The following GRIK2 variants were observed in gnomAD, a reference collection of about 807,000 sequenced individuals.
The protein encoded by GRIK2 is glutamate ionotropic receptor kainate type subunit 2.
A neutral mutation model predicts 100.3 loss-of-function variants in GRIK2; 32 were observed. That is an observed-to-expected ratio of 0.32 (90% confidence interval 0.24 to 0.43). The LOEUF is 0.43. GRIK2 is among the 20% of genes least tolerant of loss of function. The pLI, the probability that GRIK2 is intolerant of heterozygous loss-of-function variation, is 1.00. For synonymous variants in GRIK2, 417 were observed against 389.4 expected (o/e 1.07, Z -0.83); for missense variants, 843 against 1,114.9 (o/e 0.76, Z 3.47).
intron 14 of GRIK2, among the ~76,000 whole-genome samples, chr6:101,930,631 G>A (rs1219232842): frequency 6.6e-6 from 1 of 151,804 alleles, no homozygotes; most frequent in East Asian, 1.9e-4. Flanking sequence ...TATACTAGTA[G>A]CAAAGTTCAT....
intron 1 of GRIK2, among the ~76,000 whole-genome samples, chr6:101,394,349 T>G (rs1562106081): frequency 6.6e-6 from 1 of 152,170 alleles, no homozygotes; most frequent in Non-Finnish European, 1.5e-5. Context: ...GGCGTCCCAT[T>G]AGGGTAAGGA....
chr6:101,945,570 T>A (rs1791221800), intron 14 of GRIK2, among the ~76,000 whole-genome samples: 2 of 152,170 alleles, frequency 1.3e-5, no homozygotes, highest in Non-Finnish European at 2.9e-5. Flanking sequence ...AAGTAATCAG[T>A]AAGCCATTTA....
intron 10 of GRIK2, among the ~76,000 whole-genome samples, chr6:101,835,573 T>C (rs1783024255): frequency 6.8e-6 from 1 of 146,778 alleles, no homozygotes; most frequent in Admixed American, 7.1e-5. Context: ...CGGGTTCAAG[T>C]GATTCTCATG....
chr6:101,809,200 A>G (rs981564495), intron 9 of GRIK2, among the ~76,000 whole-genome samples: 11 of 151,924 alleles, frequency 7.2e-5, no homozygotes, highest in African/African-American at 2.7e-4. Context: ...CTTTTTGCTA[A>G]AACTCAACTA....
chr6:101,703,141 G>A (rs1337698421), intron 7 of GRIK2, among the ~76,000 whole-genome samples: 3 of 151,778 alleles, frequency 2.0e-5, no homozygotes, highest in South Asian at 2.1e-4. Flanking sequence ...AATGTTTTAC[G>A]AGTTTGAAAC....
chr6:101,970,443 A>T (rs891816318), intron 14 of GRIK2, among the ~76,000 whole-genome samples: 2 of 152,080 alleles, frequency 1.3e-5, no homozygotes, highest in Non-Finnish European at 2.9e-5. Context: ...CCCCACAGAC[A>T]GTGTGCCTAA....
At chr6:101,829,770 A>G (rs143810335) in intron 10 of GRIK2, among the ~76,000 whole-genome samples, 2 of 152,106 alleles carry the variant, frequency 1.3e-5, no homozygotes, top group African/African-American at 4.8e-5. Context: ...AGATGACACA[A>G]ATAAATGGAA....
intron 2 of GRIK2, among the ~76,000 whole-genome samples, chr6:101,427,568 C>A (rs954711032): frequency 1.3e-5 from 2 of 152,186 alleles, no homozygotes; most frequent in Admixed American, 1.3e-4. Flanking sequence ...TAAGCTGGCA[C>A]AATTCAGTAC....
chr6:101,858,284 G>A (rs1214909440), intron 10 of GRIK2, among the ~76,000 whole-genome samples: 1 of 151,914 alleles, frequency 6.6e-6, no homozygotes, highest in East Asian at 1.9e-4. Context: ...TTATATAGAG[G>A]AGGGCTGGCT....
chr6:101,571,293 T>TA (rs1446913048), intron 2 of GRIK2, among the ~76,000 whole-genome samples: 58 of 152,260 alleles, frequency 3.8e-4, no homozygotes, highest in African/African-American at 1.4e-3. Context: ...GTATATCTCC[T>TA]ACTGCTATCA....
rs140251837 is a variant in GRIK2 at position 101,606,088 on chromosome 6, C to A, written c.116-15861C>A. The stretch of plus-strand genomic sequence containing the variant: ...GAAATTTGATCACAGATGAGGTCTC[C>A]AACTTTGCCCATATTACTGGGCTCT... On this transcript the variant is annotated intron_variant, in intron 2 of 16. Transcript: ENST00000369134. Among the ~76,000 whole-genome samples the A allele has an allele frequency of 3.4e-4, 51 of 151,980 alleles. 1 individual carries two copies. In the East Asian group the frequency reaches 9.0e-3, roughly 27 times the overall value.
At chr6:101,717,472 A>T (rs1310025945) in intron 7 of GRIK2, among the ~76,000 whole-genome samples, 2 of 151,880 alleles carry the variant, frequency 1.3e-5, no homozygotes, top group Admixed American at 1.3e-4. Context: ...TTTACAGGAC[A>T]TTCTCTTAAT....
chr6:101,903,784 C>CA (rs11411245), intron 12 of GRIK2, among the ~76,000 whole-genome samples: 134,268 of 147,922 alleles, frequency 0.91, 61,036 homozygotes, highest in Middle Eastern at 0.96. Context: ...GAAGTTGGAG[C>CA]AAAAAAAAAA....
At position 101,399,033 on chromosome 6, in the gene GRIK2, T is replaced by G; in HGVS notation, c.-245T>G. ...GTGTGCGTGCTGGATTTCTCCCGGA[T>G]GCTCTCCGACTAACATGGATGTCCC... On this transcript the variant is annotated 5_prime_UTR_variant, in exon 2 of 17. An upstream start codon of the reference 5' UTR is lost. Coordinates refer to ENST00000369134, the MANE Select transcript of GRIK2 (RefSeq NM_021956.5). 3 of 448,176 alleles carry G rather than the reference T, an allele frequency of 6.7e-6. No individual in the cohort carries two copies. The highest frequency in any genetic ancestry group is 5.7e-4 in the Middle Eastern group (1 of 1,754). The allele number at this position is 448,176 out of a possible 1,614,324, so 27.8% of individuals were successfully genotyped here. A position where few individuals can be genotyped will look rare whatever the true frequency, so the allele number is the denominator to read the frequency against.
intron 14 of GRIK2, among the ~76,000 whole-genome samples, chr6:102,004,477 TATATTAAAATATA>T (rs1795108692): frequency 6.6e-6 from 1 of 151,896 alleles, no homozygotes; most frequent in African/African-American, 2.4e-5. Context: ...CACACCTCCT[TATATTAAAATATA>T]ACATGTCCTT....
In GRIK2 at chr6:102,069,997, A is replaced by G. The variant is rs1475680171; in HGVS notation, c.*1486A>G. The G allele has an allele frequency of 3.9e-5, 6 of 152,058 alleles. No homozygotes were observed. The highest frequency in any genetic ancestry group is 8.8e-5 in the Non-Finnish European group (6 of 67,988). The allele number at this position is 152,058 out of a possible 1,614,324, so 9.4% of individuals were successfully genotyped here. ...ACACAGACCTCTTGACAACATTGTG[A>G]TAACAGTTGAGTGCACACAGTTTGC... On this transcript the variant is annotated 3_prime_UTR_variant, in exon 17 of 17. Transcript: ENST00000369134.
intron 2 of GRIK2, among the ~76,000 whole-genome samples, chr6:101,428,565 A>G (rs1431688029): frequency 2.0e-5 from 3 of 152,236 alleles, no homozygotes; most frequent in Non-Finnish European, 2.9e-5. Context: ...TTAAAAAACT[A>G]TATTGAAATA....
At chr6:101,398,719 A>C in intron 1 of GRIK2, 1 of 307,052 alleles carries the variant, frequency 3.3e-6, no homozygotes, top group Non-Finnish European at 5.9e-6. Flanking sequence ...CTTTCTTGCA[A>C]CTCAAGGCGG....
chr6:101,740,917 A>G (rs938711804), intron 7 of GRIK2, among the ~76,000 whole-genome samples: 13 of 152,140 alleles, frequency 8.5e-5, no homozygotes, highest in African/African-American at 2.7e-4. Context: ...CTCCCACTAG[A>G]TCCCACTCCA....
Sources: gnomAD v4.1 joint callset for allele counts (sites outside exome capture counted in the v4.1 genomes callset) on GRCh38, gnomAD v4.1.1 for gene constraint, MANE v1.5 for transcripts, NCBI Gene and HGNC (gene_info 2026-07-23, HGNC 2026-07-21) for gene names.